The following NCALD variants were observed in gnomAD, a reference collection of about 807,000 sequenced individuals.
NCALD encodes neurocalcin-delta.
Under a neutral mutation model 18.6 loss-of-function variants are expected in NCALD, and 10 were observed. The observed-to-expected ratio is 0.54, with a 90% confidence interval of 0.33 to 0.91. NCALD has a LOEUF of 0.91. NCALD is among the 40% of genes least tolerant of loss of function. The pLI, the probability that NCALD is intolerant of heterozygous loss-of-function variation, is 0.03. For synonymous variants in NCALD, 88 were observed against 87.4 expected, an observed-to-expected ratio of 1.01 and a Z score of -0.04; for missense variants, 184 against 247.6, an observed-to-expected ratio of 0.74 and a Z score of 1.72.
rs144536050 is a variant in NCALD, at chr8:102,114,466, A to G, written c.-210+9771T>C. ...AAGAAAGTCATACAGGGGTTCAGGA[A>G]AGCAATGAAGGATGATGCAGGACTC... is the stretch of plus-strand genomic sequence containing the variant. On this transcript the variant is annotated intron_variant, in intron 1 of 6. Coordinates refer to the NCALD transcript ENST00000311028. Among the ~76,000 whole-genome samples, 345 of 152,326 alleles carry G rather than the reference A, an allele frequency of 2.3e-3. 1 individual carries two copies. Among genetic ancestry groups the G allele is most frequent in the African/African-American group, 7.8e-3 (323 of 41,570 alleles).
intron 4 of NCALD, among the ~76,000 whole-genome samples, chr8:101,856,535 TG>T (rs1354075261): frequency 1.3e-5 from 2 of 152,022 alleles, no homozygotes; most frequent in East Asian, 3.9e-4. Context: ...AGATTTTATT[TG>T]AAGAAATGGT....
chr8:102,073,760 GA>G (rs1824256304), intron 1 of NCALD, among the ~76,000 whole-genome samples: 1 of 152,132 alleles, frequency 6.6e-6, no homozygotes, highest in Non-Finnish European at 1.5e-5. Context: ...AAGCCCCTTT[GA>G]AAGCCCTAGG....
At chr8:101,763,107 C>T (rs1369278813) in intron 1 of NCALD, among the ~76,000 whole-genome samples, 1 of 152,102 alleles carries the variant, frequency 6.6e-6, no homozygotes, top group Admixed American at 6.6e-5. Context: ...ATATCAGGCA[C>T]TGTGCTAGGC....
Position 101,719,248 on chromosome 8 carries a change from G to A in NCALD, c.378+4C>T, listed in dbSNP as rs374527938. The A allele has an allele frequency of 8.6e-5, 139 of 1,612,374 alleles. 1 individual carries two copies. The highest frequency in any genetic ancestry group is 6.5e-4 in the African/African-American group (49 of 74,920). ...TCTTTTTTTAAAGGGCTCAGTCTACGTACCTGCACGATCTCTAGCATCTCT... is the reference window on the plus strand; with the variant it reads ...TCTTTTTTTAAAGGGCTCAGTCTACATACCTGCACGATCTCTAGCATCTCT... On this transcript the variant is annotated splice_donor_region_variant and intron_variant, in intron 2 of 3. Coordinates refer to ENST00000220931, the MANE Select transcript of NCALD (RefSeq NM_032041.3).
At chr8:101,802,102 T>C (rs889060487) in intron 4 of NCALD, among the ~76,000 whole-genome samples, 1 of 152,196 alleles carries the variant, frequency 6.6e-6, no homozygotes, top group African/African-American at 2.4e-5. Flanking sequence ...GCTCAAATCA[T>C]GTCTCTGTGT....
chr8:101,809,297 G>T (rs1813221820), intron 4 of NCALD, among the ~76,000 whole-genome samples: 1 of 152,098 alleles, frequency 6.6e-6, no homozygotes, highest in African/African-American at 2.4e-5. Context: ...AGTAAAAATG[G>T]CCTCTTCTTT....
At chr8:101,742,724 T>C (rs1810262613) in intron 1 of NCALD, among the ~76,000 whole-genome samples, 2 of 152,168 alleles carry the variant, frequency 1.3e-5, no homozygotes, top group South Asian at 2.1e-4. Flanking sequence ...GTTTGTTACA[T>C]AGGTAAATGT....
chr8:101,859,107 T>G (rs1449422509), intron 4 of NCALD, among the ~76,000 whole-genome samples: 1 of 152,148 alleles, frequency 6.6e-6, no homozygotes, highest in Non-Finnish European at 1.5e-5. Context: ...CACCATCTAA[T>G]CAGCTGCCAG....
At chr8:101,899,585 G>T (rs1012416829) in intron 3 of NCALD, among the ~76,000 whole-genome samples, 14 of 151,802 alleles carry the variant, frequency 9.2e-5, no homozygotes, top group African/African-American at 2.9e-4. Flanking sequence ...CTAAGTTTTT[G>T]CCATGAATGT....
At chr8:102,043,346 T>G (rs1823119238) in intron 1 of NCALD, among the ~76,000 whole-genome samples, 2 of 151,912 alleles carry the variant, frequency 1.3e-5, no homozygotes, top group South Asian at 4.2e-4. Context: ...TTTTGTTTTG[T>G]TTTTGGTGTT....
At chr8:102,077,452 G>T (rs571237516) in intron 1 of NCALD, among the ~76,000 whole-genome samples, 2 of 152,068 alleles carry the variant, frequency 1.3e-5, no homozygotes, top group Non-Finnish European at 2.9e-5. Flanking sequence ...AAATTGTTTC[G>T]AAAGTAAAAG....
chr8:102,081,545 T>TAAAAAAAAAAAAAAAAAAAAAAAAAA (rs770307937), intron 1 of NCALD, among the ~76,000 whole-genome samples: 2 of 68,704 alleles, frequency 2.9e-5, no homozygotes, highest in African/African-American at 8.0e-5. Flanking sequence ...CAAATAATGG[T>TAAAAAAAAAAAAAAAAAAAAAAAAAA]AAAAAAAAAA....
chr8:101,894,285 G>A (rs2131529798), intron 3 of NCALD, among the ~76,000 whole-genome samples: 1 of 125,844 alleles, frequency 7.9e-6, no homozygotes, highest in East Asian at 2.1e-4. Flanking sequence ...CGAAATGAAG[G>A]CAGAAATAAA....
At chr8:101,872,759 G>C (rs1315884664) in intron 4 of NCALD, among the ~76,000 whole-genome samples, 2 of 152,072 alleles carry the variant, frequency 1.3e-5, no homozygotes, top group Non-Finnish European at 2.9e-5. Context: ...CTTTCTCTCT[G>C]GTAGCCTTAG....
intron 3 of NCALD, among the ~76,000 whole-genome samples, chr8:101,896,584 C>T (rs990256188): frequency 1.5e-3 from 228 of 151,984 alleles, no homozygotes; most frequent in African/African-American, 5.0e-3. Context: ...AGGCAACCTA[C>T]AAAATGGGAG....
intron 1 of NCALD, among the ~76,000 whole-genome samples, chr8:102,021,799 G>C (rs181111167): frequency 2.0e-5 from 3 of 152,152 alleles, no homozygotes; most frequent in Non-Finnish European, 4.4e-5. Context: ...GGCATGAGCC[G>C]TCACATTGAA....
intron 1 of NCALD, among the ~76,000 whole-genome samples, chr8:101,749,843 T>C (rs1289916168): frequency 6.6e-6 from 1 of 152,140 alleles, no homozygotes; most frequent in Non-Finnish European, 1.5e-5. Flanking sequence ...TATGCAGAAA[T>C]CCGGCACCCT....
chr8:101,758,823 G>A (rs1447190273), intron 1 of NCALD, among the ~76,000 whole-genome samples: 1 of 97,306 alleles, frequency 1.0e-5, no homozygotes, highest in African/African-American at 2.7e-5. Flanking sequence ...GACACAGGAT[G>A]TGTAAAATAC....
At chr8:101,834,909 A>C (rs1814345223) in intron 4 of NCALD, among the ~76,000 whole-genome samples, 1 of 152,236 alleles carries the variant, frequency 6.6e-6, no homozygotes, top group African/African-American at 2.4e-5. Flanking sequence ...GGTAGGGCAC[A>C]GGGTGAAGCA....
Sources: allele counts gnomAD v4.1 joint callset (sites outside exome capture counted in the v4.1 genomes callset), GRCh38; gene constraint gnomAD v4.1.1; transcripts MANE v1.5; gene names NCBI Gene and HGNC (gene_info 2026-07-23, HGNC 2026-07-21).